CAMTA1: variants seen among roughly 807,000 people sequenced by gnomAD.
CAMTA1 encodes calmodulin-binding transcription activator 1.
In CAMTA1, 27 loss-of-function variants were observed where a neutral mutation model predicts 170.9. The observed-to-expected ratio is 0.16, with a 90% CI of 0.12 to 0.22. The LOEUF (loss-of-function observed/expected upper bound fraction) is 0.22. Ranked by LOEUF, CAMTA1 falls within the 10% of genes least tolerant of loss-of-function variation. The pLI, the probability that CAMTA1 is intolerant of heterozygous loss-of-function variation, is 1.00. For missense variants in CAMTA1, 1,619 were observed against 2,217.2 expected (o/e 0.73, Z 5.42); for synonymous variants, 833 against 891.5 (o/e 0.93, Z 1.17).
chr1:7,716,075 C>T (rs1319947953), intron 11 of CAMTA1, among the ~76,000 whole-genome samples: 5 of 152,086 alleles, frequency 3.3e-5, no homozygotes, highest in South Asian at 2.1e-4. Flanking sequence ...CTCTGTTGCC[C>T]GGGCTGGAGT....
chr1:7,084,425 G>T (rs1640445011), intron 3 of CAMTA1, among the ~76,000 whole-genome samples: 1 of 152,154 alleles, frequency 6.6e-6, no homozygotes, highest in Admixed American at 6.5e-5. Flanking sequence ...AGCCTGCAGT[G>T]CATAGCTCCT....
chr1:7,438,565 G>T (rs1356851778), intron 5 of CAMTA1, among the ~76,000 whole-genome samples: 1 of 152,130 alleles, frequency 6.6e-6, no homozygotes, highest in Non-Finnish European at 1.5e-5. Context: ...CTGTGTCCAG[G>T]CAGGAGGGGT....
chr1:6,899,721 A>C (rs1296432819), intron 3 of CAMTA1, among the ~76,000 whole-genome samples: 1 of 152,244 alleles, frequency 6.6e-6, no homozygotes. Flanking sequence ...ATAGCAGTTG[A>C]TACTGTAGAT....
chr1:7,024,615 A>T (rs1017049698), intron 3 of CAMTA1, among the ~76,000 whole-genome samples: 1 of 152,092 alleles, frequency 6.6e-6, no homozygotes, highest in African/African-American at 2.4e-5. Context: ...GTTATTGTTC[A>T]CCCGATGTGT....
At position 7,609,811 on chromosome 1, in the gene CAMTA1, CGT is replaced by C. The variant is rs1235243043; in HGVS notation, c.511-30585_511-30584del. Among the ~76,000 whole-genome samples, 1 of 152,184 alleles carries C rather than the reference CGT, an allele frequency of 6.6e-6. No homozygotes were observed. The highest frequency in any genetic ancestry group is 2.4e-5 in the African/African-American group (1 of 41,444). On this transcript the variant is annotated intron_variant, in intron 6 of 22. Coordinates refer to ENST00000303635, the MANE Select transcript of CAMTA1 (RefSeq NM_015215.4). This position sits in a 1 kb window ranked among gnomAD's most constrained non-coding sequence, Gnocchi z 4.4. ...CCCTCCCGCAGGGCACCTGTGAACA[CGT>C]GTGAGTGCCAGGAACTGAGGTTCCT... is the stretch of plus-strand genomic sequence containing the variant.
chr1:7,467,991 C>A, intron 6 of CAMTA1, 90 bp downstream of exon 6: 1 of 1,072,158 alleles, frequency 9.3e-7, no homozygotes, highest in South Asian at 1.4e-5. Context: ...CCGCATGCGA[C>A]ACGGCTTCGG....
chr1:7,199,522 C>A (rs1464394353), intron 4 of CAMTA1, among the ~76,000 whole-genome samples: 1 of 152,198 alleles, frequency 6.6e-6, no homozygotes, highest in African/African-American at 2.4e-5. Context: ...TGGTGCACAA[C>A]CCCCTTCCCC....
rs1470571797 is a variant in CAMTA1 at position 7,007,577 on chromosome 1, C to A, written c.235-83727C>A. ...AGTTTACCTCCTGCTTCAGCCCTTA[C>A]TCGCCTCCTCCAATCCCAAACTCCT... On this transcript the variant is annotated intron_variant, in intron 3 of 22. Transcript: ENST00000303635. This position sits in a 1 kb window ranked among gnomAD's most constrained non-coding sequence, Gnocchi z 4.5. Among the ~76,000 whole-genome samples, 1 of 152,186 alleles carries A rather than the reference C, an allele frequency of 6.6e-6. No individual in the cohort carries two copies. The highest frequency in any genetic ancestry group is 2.4e-5 in the African/African-American group (1 of 41,448).
intron 1 of CAMTA1, among the ~76,000 whole-genome samples, chr1:6,805,883 GT>G (rs879665260): frequency 2.3e-4 from 32 of 141,774 alleles, no homozygotes; most frequent in South Asian, 4.6e-4. Context: ...CTGTTTTTTT[GT>G]TTTTTTTTTT....
At position 7,327,426 on chromosome 1, in the gene CAMTA1, G is replaced by A. The variant is rs978803488; in HGVS notation, c.438+77800G>A. Among the ~76,000 whole-genome samples, 1,295 of 130,324 alleles carry A rather than the reference G, an allele frequency of 9.9e-3. 5 individuals carry two copies. The highest frequency in any genetic ancestry group is 0.024 in the African/African-American group (827 of 33,868). The allele number at this position is 130,324 out of a possible 152,430, so 85.5% of individuals were successfully genotyped here. On this transcript the variant is annotated intron_variant, in intron 5 of 22. Transcript: ENST00000303635. ...CATCTCAAAAAAAAAAAAAAAAAAA[G>A]AAAAAAGACCAGGAGGAAAGAAATG... is the stretch of plus-strand genomic sequence containing the variant.
chr1:7,364,847 T>A (rs1249141408), intron 5 of CAMTA1, among the ~76,000 whole-genome samples: 1 of 152,152 alleles, frequency 6.6e-6, no homozygotes, highest in Non-Finnish European at 1.5e-5. Context: ...AAGCAAGGGC[T>A]CAGTATATAC....
At chr1:7,127,729 G>T (rs1370851003) in intron 4 of CAMTA1, among the ~76,000 whole-genome samples, 1 of 152,202 alleles carries the variant, frequency 6.6e-6, no homozygotes, top group African/African-American at 2.4e-5. Context: ...TTCCAAGTGT[G>T]ATAGAACCGG....
intron 11 of CAMTA1, among the ~76,000 whole-genome samples, chr1:7,712,444 C>T (rs186518432): frequency 8.7e-4 from 132 of 152,174 alleles, no homozygotes; most frequent in Non-Finnish European, 1.6e-3. Flanking sequence ...CCTGAGCCTC[C>T]CAAGTAACAG....
chr1:6,817,930 T>G (rs533399955), intron 1 of CAMTA1, among the ~76,000 whole-genome samples: 2 of 152,310 alleles, frequency 1.3e-5, no homozygotes, highest in South Asian at 4.1e-4. Flanking sequence ...AGAAAGACTT[T>G]ATTTATATGG....
chr1:6,897,492 G>C (rs1675902581), intron 3 of CAMTA1, among the ~76,000 whole-genome samples: 1 of 26,140 alleles, frequency 3.8e-5, no homozygotes, highest in Non-Finnish European at 9.0e-5. Context: ...CCCCCAGATT[G>C]TATATCGCTT....
intron 3 of CAMTA1, among the ~76,000 whole-genome samples, chr1:6,880,747 G>T (rs941975642): frequency 6.6e-6 from 1 of 152,054 alleles, no homozygotes; most frequent in African/African-American, 2.4e-5. Context: ...TCATGGGAGG[G>T]GAGTGGAGTG....
rs1553247057 is a variant in CAMTA1 at position 7,680,861 on chromosome 1, C to CGCGCCAGCAGCAG, written c.2914+3128_2914+3129insGCGCCAGCAGCAG. On this transcript the variant is annotated intron_variant, in intron 11 of 22. Transcript: ENST00000303635. The surrounding 1 kb of genome is among the most constrained non-coding windows in gnomAD (Gnocchi z 4.4). ...GAGAACACGCGCGCGCGCGCGCGCG[C>CGCGCCAGCAGCAG]CAGCAGCAGCAGCAGCAGCAGCTGC... Among the ~76,000 whole-genome samples the CGCGCCAGCAGCAG allele has an allele frequency of 4.1e-4, 56 of 136,564 alleles. No individual in the cohort carries two copies. Among genetic ancestry groups the CGCGCCAGCAGCAG allele is most frequent in the Middle Eastern group, 4.2e-3 (1 of 238 alleles). The allele number at this position is 136,564 out of a possible 152,430, so 89.6% of individuals were successfully genotyped here.
Position 7,562,113 on chromosome 1 carries a change from C to T in CAMTA1, c.511-78287C>T, listed in dbSNP as rs1028120314. 6.6e-6 allele frequency among the ~76,000 whole-genome samples: 1 copy of T among 152,182 alleles called. No homozygotes were observed. The highest frequency in any genetic ancestry group is 6.5e-5 in the Admixed American group (1 of 15,282). On this transcript the variant is annotated intron_variant, in intron 6 of 22. Coordinates refer to ENST00000303635, the MANE Select transcript of CAMTA1 (RefSeq NM_015215.4). The surrounding 1 kb of genome is among the most constrained non-coding windows in gnomAD (Gnocchi z 4.8). ...CCAGGAAAAGCCAGGCCAGGCGTGC[C>T]TATCTCCTGCCAGCCTCACTACCCG... is the stretch of plus-strand genomic sequence containing the variant.
intron 3 of CAMTA1, among the ~76,000 whole-genome samples, chr1:6,911,641 C>T (rs1679703651): frequency 6.6e-6 from 1 of 152,134 alleles, no homozygotes; most frequent in Non-Finnish European, 1.5e-5. Context: ...TGAGAAGCCC[C>T]CTGTCCGAGG....
Sources: allele counts gnomAD v4.1 joint callset (sites outside exome capture counted in the v4.1 genomes callset), GRCh38; gene constraint gnomAD v4.1.1; non-coding constraint Gnocchi (gnomAD v3.1); transcripts MANE v1.5; gene names NCBI Gene and HGNC (gene_info 2026-07-23, HGNC 2026-07-21).